The following EXOC6B variants were observed in gnomAD, a reference collection of about 807,000 sequenced individuals.
EXOC6B encodes SEC15 homolog B.
Under a neutral mutation model 113.5 loss-of-function variants are expected in EXOC6B, and 54 were observed. The observed-to-expected ratio is 0.48, with a 90% CI of 0.38 to 0.60. The LOEUF (loss-of-function observed/expected upper bound fraction) is 0.60. EXOC6B is among the 20% of genes least tolerant of loss of function. The probability of loss-of-function intolerance (pLI) is 0.00; values close to 1 mark genes in which losing one functional copy is unlikely to be tolerated. For missense variants in EXOC6B, 797 were observed against 977.5 expected (o/e 0.82, Z 2.46); for synonymous variants, 357 against 339.0 (o/e 1.05, Z -0.58).
chr2:72,431,496 T>TCTATCTAC (rs1441065110), intron 18 of EXOC6B, among the ~76,000 whole-genome samples: 1 of 146,546 alleles, frequency 6.8e-6, no homozygotes, highest in Non-Finnish European at 1.5e-5. Context: ...TATCTATCTA[T>TCTATCTAC]CTATCTATCT....
At chr2:72,614,506 G>A (rs1671270439) in intron 6 of EXOC6B, among the ~76,000 whole-genome samples, 1 of 152,072 alleles carries the variant, frequency 6.6e-6, no homozygotes, top group Admixed American at 6.6e-5. Context: ...TCACCTGACT[G>A]ACGCTAATAC....
At chr2:72,769,572 G>A (rs1308425032) in intron 1 of EXOC6B, among the ~76,000 whole-genome samples, 1 of 152,232 alleles carries the variant, frequency 6.6e-6, no homozygotes, top group Non-Finnish European at 1.5e-5. Flanking sequence ...AGCACTTTGG[G>A]AGGCCAAGGC....
At chr2:72,619,179 C>CAGAGAGAGAG (rs139874004) in intron 6 of EXOC6B, among the ~76,000 whole-genome samples, 3 of 145,826 alleles carry the variant, frequency 2.1e-5, no homozygotes, top group African/African-American at 5.1e-5. Flanking sequence ...AATACACAGC[C>CAGAGAGAGAG]AGAGAGAGAG....
intron 18 of EXOC6B, among the ~76,000 whole-genome samples, chr2:72,448,439 T>A (rs1449010923): frequency 6.6e-6 from 1 of 152,170 alleles, no homozygotes; most frequent in Non-Finnish European, 1.5e-5. Context: ...TGACAAACAA[T>A]ATATTTTCAA....
At chr2:72,187,679 C>T (rs1298753085) in intron 20 of EXOC6B, among the ~76,000 whole-genome samples, 1 of 152,078 alleles carries the variant, frequency 6.6e-6, no homozygotes, top group Non-Finnish European at 1.5e-5. Flanking sequence ...TGGCTGAGCC[C>T]AGGGCTTTTA....
At chr2:72,242,074 G>A (rs1286512348) in intron 20 of EXOC6B, among the ~76,000 whole-genome samples, 1 of 152,028 alleles carries the variant, frequency 6.6e-6, no homozygotes, top group African/African-American at 2.4e-5. Flanking sequence ...AGGCGTAGTG[G>A]CACACAGCTG....
At chr2:72,802,025 T>C (rs1041664981) in intron 1 of EXOC6B, among the ~76,000 whole-genome samples, 1 of 152,150 alleles carries the variant, frequency 6.6e-6, no homozygotes, top group African/African-American at 2.4e-5. Flanking sequence ...TATATAAAGA[T>C]GTAGTATAAG....
chr2:72,462,367 T>C (rs1697741589), intron 18 of EXOC6B: 1 of 152,132 alleles, frequency 6.6e-6, no homozygotes, highest in African/African-American at 2.4e-5. Context: ...TAGATAATAA[T>C]AACCTATGAA....
At chr2:72,299,707 T>C (rs1686382207) in intron 20 of EXOC6B, among the ~76,000 whole-genome samples, 1 of 152,184 alleles carries the variant, frequency 6.6e-6, no homozygotes, top group Admixed American at 6.5e-5. Context: ...TCGATGACCT[T>C]CAGATGAGGT....
In EXOC6B at chr2:72,777,737, C is replaced by CA. The variant is rs1553482895; in HGVS notation, c.114-36269dup. 2.6e-5 allele frequency among the ~76,000 whole-genome samples: 4 copies of CA among 151,904 alleles called. No homozygotes were observed. In the South Asian group the frequency reaches 8.3e-4, roughly 32 times the overall value. ...TTTTCCTATATGATTTAAAAGACTG[C>CA]AAAAAACAATACATATCTCTGTTGA... On this transcript the variant is annotated intron_variant, in intron 1 of 21. Coordinates refer to ENST00000272427, the MANE Select transcript of EXOC6B (RefSeq NM_015189.3).
At chr2:72,307,296 C>T (rs771535828) in intron 20 of EXOC6B, among the ~76,000 whole-genome samples, 13 of 152,176 alleles carry the variant, frequency 8.5e-5, no homozygotes, top group South Asian at 6.2e-4. Flanking sequence ...TGCACTACCA[C>T]GTCCGGCTAT....
chr2:72,700,592 A>C (rs1281286697), intron 6 of EXOC6B, among the ~76,000 whole-genome samples: 2 of 152,234 alleles, frequency 1.3e-5, no homozygotes, highest in Non-Finnish European at 2.9e-5. Flanking sequence ...AAAATGAAAA[A>C]GTTCTGGAAA....
intron 6 of EXOC6B, among the ~76,000 whole-genome samples, chr2:72,665,611 G>C (rs1248352682): frequency 6.6e-6 from 1 of 152,146 alleles, no homozygotes; most frequent in Non-Finnish European, 1.5e-5. Context: ...AGCTTCATAA[G>C]CAGAGAAGTA....
chr2:72,242,404 C>A (rs771662241), intron 20 of EXOC6B, among the ~76,000 whole-genome samples: 3 of 152,146 alleles, frequency 2.0e-5, no homozygotes, highest in Non-Finnish European at 4.4e-5. Flanking sequence ...TTTGCACTCA[C>A]ACATGATGCA....
intron 18 of EXOC6B, among the ~76,000 whole-genome samples, chr2:72,434,834 T>G (rs1222104087): frequency 1.3e-5 from 2 of 152,216 alleles, no homozygotes; most frequent in Admixed American, 1.3e-4. Context: ...TTATCTATTT[T>G]GTTAATCTTT....
At chr2:72,788,641 T>C (rs1684508570) in intron 1 of EXOC6B, among the ~76,000 whole-genome samples, 1 of 151,864 alleles carries the variant, frequency 6.6e-6, no homozygotes, top group African/African-American at 2.4e-5. Context: ...TACAAAAAAT[T>C]TTAAAAATTA....
At chr2:72,228,317 G>T (rs543219320) in intron 20 of EXOC6B, among the ~76,000 whole-genome samples, 29 of 152,162 alleles carry the variant, frequency 1.9e-4, no homozygotes, top group Middle Eastern at 3.4e-3. Context: ...TGCACAACGT[G>T]CAGGTTTGTT....
At chr2:72,353,262 T>TA (rs1244341883) in intron 19 of EXOC6B, among the ~76,000 whole-genome samples, 1 of 152,144 alleles carries the variant, frequency 6.6e-6, no homozygotes, top group Admixed American at 6.5e-5. Flanking sequence ...TTGTTCTTTC[T>TA]ACTGGCTCAT....
chr2:72,340,901 A>G (rs926888887), intron 19 of EXOC6B, among the ~76,000 whole-genome samples: 6 of 152,246 alleles, frequency 3.9e-5, no homozygotes, highest in African/African-American at 1.2e-4. Context: ...ACAGGAGTTG[A>G]TGTACTCCAC....
Sources: gnomAD v4.1 joint callset for allele counts (sites outside exome capture counted in the v4.1 genomes callset) on GRCh38, gnomAD v4.1.1 for gene constraint, MANE v1.5 for transcripts, NCBI Gene and HGNC (gene_info 2026-07-23, HGNC 2026-07-21) for gene names.